DLG2: variants seen among roughly 807,000 people sequenced by gnomAD.
The protein encoded by DLG2 is disks large homolog 2.
DLG2 carries 45 observed loss-of-function variants against 132.5 expected under a neutral mutation model. The observed-to-expected ratio is 0.34, with a 90% CI of 0.27 to 0.44. The LOEUF is 0.44. Among genes scored for constraint, DLG2 ranks in the 20% least tolerant of loss-of-function variants. The pLI is 1.00. For synonymous variants in DLG2, 424 were observed against 419.6 expected (o/e 1.01, Z -0.13); for missense variants, 1,045 against 1,196.9 (o/e 0.87, Z 1.87).
chr11:84,079,624 A>C (rs2096876324), intron 10 of DLG2, among the ~76,000 whole-genome samples: 1 of 152,162 alleles, frequency 6.6e-6, no homozygotes, highest in Non-Finnish European at 1.5e-5. Context: ...AGGCACTCTT[A>C]TCAGCTAAGC....
intron 6 of DLG2, among the ~76,000 whole-genome samples, chr11:84,929,025 T>TATATATATATA (rs2047786455): frequency 1.3e-3 from 166 of 128,232 alleles, no homozygotes; most frequent in Non-Finnish European, 1.7e-3. Flanking sequence ...TATATATATA[T>TATATATATATA]TACTGTGAAT....
At chr11:83,483,323 C>G (rs751214266) in intron 22 of DLG2, 1 of 1,602,176 alleles carries the variant, frequency 6.2e-7, no homozygotes, top group Non-Finnish European at 8.5e-7. Flanking sequence ...CCAGAGAGAG[C>G]AATGAGAGAG....
chr11:84,897,452 T>C (rs1048904614), intron 6 of DLG2, among the ~76,000 whole-genome samples: 1 of 151,912 alleles, frequency 6.6e-6, no homozygotes, highest in Non-Finnish European at 1.5e-5. Flanking sequence ...TGGCCTTGTT[T>C]CTCTCCTATT....
rs1009407349 is a variant in DLG2 at position 84,617,655 on chromosome 11, C to CT, written c.358-82925dup. Among the ~76,000 whole-genome samples, 11 of 151,930 alleles carry CT rather than the reference C, an allele frequency of 7.2e-5. No individual in the cohort carries two copies. The South Asian group carries it at 1.0e-3, about 14-fold the overall frequency. ...ATCCTCTCCAGCATCTGTTGCTTCC[C>CT]TTTTTTTTATGTTTTCATTCATTCA... On this transcript the variant is annotated intron_variant, in intron 6 of 27. Transcript: ENST00000376104.
At chr11:83,513,453 A>T (rs2095145050) in intron 21 of DLG2, among the ~76,000 whole-genome samples, 1 of 152,134 alleles carries the variant, frequency 6.6e-6, no homozygotes, top group Admixed American at 6.6e-5. Context: ...GGTAGATTGC[A>T]AATATTTTCT....
intron 19 of DLG2, among the ~76,000 whole-genome samples, chr11:83,628,559 T>C (rs1363505181): frequency 1.3e-5 from 2 of 152,276 alleles, no homozygotes; most frequent in Non-Finnish European, 2.9e-5. Flanking sequence ...CCCTGAATCA[T>C]AGTGTTTTGG....
At chr11:83,499,895 A>ACATCTATC (rs1555113455) in intron 21 of DLG2, among the ~76,000 whole-genome samples, 18 of 114,552 alleles carry the variant, frequency 1.6e-4, no homozygotes, top group African/African-American at 6.2e-4. Flanking sequence ...ATATATATAT[A>ACATCTATC]TATCAGTTCT....
intron 6 of DLG2, among the ~76,000 whole-genome samples, chr11:84,674,752 T>C (rs1001356509): frequency 6.6e-6 from 1 of 152,130 alleles, no homozygotes; most frequent in Non-Finnish European, 1.5e-5. Context: ...GACCATAATA[T>C]GTGATGTATG....
chr11:83,545,339 G>A (rs997576625), intron 19 of DLG2, among the ~76,000 whole-genome samples: 1 of 152,132 alleles, frequency 6.6e-6, no homozygotes, highest in African/African-American at 2.4e-5. Flanking sequence ...GCACTAGTGA[G>A]GGCTCAATAA....
At chr11:85,056,266 T>C (rs1367440401) in intron 6 of DLG2, among the ~76,000 whole-genome samples, 1 of 152,108 alleles carries the variant, frequency 6.6e-6, no homozygotes, top group Non-Finnish European at 1.5e-5. Flanking sequence ...CTAAAAAGTT[T>C]ATTCTTAAAT....
At chr11:84,125,651 T>A (rs559434937) in intron 9 of DLG2, among the ~76,000 whole-genome samples, 3 of 152,122 alleles carry the variant, frequency 2.0e-5, no homozygotes, top group Non-Finnish European at 4.4e-5. Flanking sequence ...AGAAACCCAG[T>A]GGTCAGGAAA....
intron 15 of DLG2, among the ~76,000 whole-genome samples, chr11:83,882,658 T>C (rs2066610704): frequency 6.6e-6 from 1 of 152,266 alleles, no homozygotes. Flanking sequence ...TACAATCATA[T>C]TTTTAAAACT....
At chr11:85,134,421 T>C (rs1183334116) in intron 5 of DLG2, among the ~76,000 whole-genome samples, 2 of 144,262 alleles carry the variant, frequency 1.4e-5, no homozygotes, top group East Asian at 2.0e-4. Flanking sequence ...CCCAGCTACT[T>C]GGGAGGCTGA....
chr11:84,669,048 A>C (rs1455423590), intron 6 of DLG2, among the ~76,000 whole-genome samples: 1 of 152,098 alleles, frequency 6.6e-6, no homozygotes, highest in African/African-American at 2.4e-5. Context: ...GTGATGGGGA[A>C]AAATAACACA....
chr11:85,239,597 T>G (rs1026164208), intron 4 of DLG2, among the ~76,000 whole-genome samples: 1 of 152,056 alleles, frequency 6.6e-6, no homozygotes, highest in Non-Finnish European at 1.5e-5. Context: ...CCACCTGTGT[T>G]GTTGAAGGGT....
intron 18 of DLG2, among the ~76,000 whole-genome samples, chr11:83,728,878 C>T (rs747283569): frequency 2.6e-5 from 4 of 152,160 alleles, no homozygotes; most frequent in Admixed American, 6.5e-5. Context: ...TTTGCAAAAC[C>T]GTGATACACA....
chr11:85,093,497 A>G (rs2069184400), intron 6 of DLG2, among the ~76,000 whole-genome samples: 1 of 152,172 alleles, frequency 6.6e-6, no homozygotes, highest in Non-Finnish European at 1.5e-5. Context: ...CACTTCTAAT[A>G]AAGACATACA....
chr11:84,578,577 C>T (rs1341996971), intron 6 of DLG2, among the ~76,000 whole-genome samples: 1 of 152,100 alleles, frequency 6.6e-6, no homozygotes, highest in African/African-American at 2.4e-5. Context: ...GCCAATTTAT[C>T]CCATTTGGAA....
At position 85,037,436 on chromosome 11, in the gene DLG2, T is replaced by A. The variant is rs192923133; in HGVS notation, c.357+74225A>T. ...AGGTATTAAATAATGGTATGAAAACTGACTTAAATTTAATGGAGTAGACAT... is the reference window on the plus strand; with the variant it reads ...AGGTATTAAATAATGGTATGAAAACAGACTTAAATTTAATGGAGTAGACAT... On this transcript the variant is annotated intron_variant, in intron 6 of 27. Transcript: ENST00000376104. Among the ~76,000 whole-genome samples, 4 of 152,300 alleles carry A rather than the reference T, an allele frequency of 2.6e-5. No homozygotes were observed. The East Asian group carries it at 7.7e-4, about 29-fold the overall frequency.
Sources: gnomAD v4.1 joint callset for allele counts (sites outside exome capture counted in the v4.1 genomes callset) on GRCh38, gnomAD v4.1.1 for gene constraint, MANE v1.5 for transcripts, NCBI Gene and HGNC (gene_info 2026-07-23, HGNC 2026-07-21) for gene names.